The following MPRIP variants were observed in gnomAD, a reference collection of about 807,000 sequenced individuals.
MPRIP encodes myosin phosphatase Rho interacting protein.
A neutral mutation model predicts 234.9 loss-of-function variants in MPRIP; 59 were observed. That is an observed-to-expected ratio of 0.25 (90% confidence interval 0.20 to 0.31). MPRIP has a LOEUF of 0.31. Among genes scored for constraint, MPRIP ranks in the 10% least tolerant of loss-of-function variants. The pLI is 1.00. For synonymous variants in MPRIP, 1,144 were observed against 1,263.9 expected, an observed-to-expected ratio of 0.91 and a Z score of 2.01; for missense variants, 2,436 against 3,071.0, an observed-to-expected ratio of 0.79 and a Z score of 4.89.
intron 5 of MPRIP, among the ~76,000 whole-genome samples, chr17:17,132,517 G>A (rs2090617450): frequency 6.6e-6 from 1 of 152,214 alleles, no homozygotes. Flanking sequence ...AGCAGGGTGG[G>A]GATGGGGGTC....
At chr17:17,182,297 C>T (rs1276617003) in intron 23 of MPRIP, 1 of 152,216 alleles carries the variant, frequency 6.6e-6, no homozygotes, top group African/African-American at 2.4e-5. Flanking sequence ...TCTGTCCTGC[C>T]TCGCTCGAAA....
rs769846464 is a variant in MPRIP at position 17,166,563 on chromosome 17, C to G, written c.4972C>G (p.Leu1658Val). ...CGGGCAGCAAAGCATCCCACAGGGC[C>G]TGGCCCCCATCCTGGCCAATGCCAC... ...GDGQQSIPQG[L>V]APILANATWV... is the part of the protein sequence containing the mutation. The change falls in exon 16 of 24, where the codon CTG (leucine) becomes GTG (valine). Residue 1658 changes from leucine to valine, a missense_variant. Physicochemically the swap from Leu to Val is conservative, Grantham distance 32 (BLOSUM62 1). This residue lies in a region of MPRIP where 1,998 missense variants were observed against 2,520.3 expected (regional missense o/e 0.79). Transcript: ENST00000651222. This position sits in a 1 kb window ranked among gnomAD's most constrained non-coding sequence, Gnocchi z 4.4. 3.8e-6 allele frequency: 5 copies of G among 1,304,244 alleles called. 1 individual carries two copies. The South Asian group carries it at 6.2e-5, about 16-fold the overall frequency. The allele number at this position is 1,304,244 out of a possible 1,614,324, so 80.8% of individuals were successfully genotyped here.
At chr17:17,130,400 C>T (rs1004205078) in intron 4 of MPRIP, among the ~76,000 whole-genome samples, 1 of 151,810 alleles carries the variant, frequency 6.6e-6, no homozygotes, top group African/African-American at 2.4e-5. Flanking sequence ...TCCCTCCTCC[C>T]CATGCTCTTC....
At chr17:17,100,066 A>T (rs1567714231) in intron 3 of MPRIP, among the ~76,000 whole-genome samples, 2 of 152,080 alleles carry the variant, frequency 1.3e-5, no homozygotes, top group African/African-American at 4.8e-5. Context: ...CACCTTTTGG[A>T]GGTCCTTTGG....
chr17:17,073,204 C>T lies in MPRIP; in HGVS notation c.124-2506C>T, dbSNP rs182939333. Among the ~76,000 whole-genome samples, 37 of 152,190 alleles carry T rather than the reference C, an allele frequency of 2.4e-4. No individual in the cohort carries two copies. In the East Asian group the frequency reaches 7.0e-3, roughly 29 times the overall value. On this transcript the variant is annotated intron_variant, in intron 1 of 23. Transcript: ENST00000651222. ...CTGCATCCCAGCCTGCTCCTCCACCCAGAGGCCCTACATCTCGCTCTCTGC... is the reference window on the plus strand; with the variant it reads ...CTGCATCCCAGCCTGCTCCTCCACCTAGAGGCCCTACATCTCGCTCTCTGC...
At position 17,171,593 on chromosome 17, in the gene MPRIP, A is replaced by C. The variant is rs115215760; in HGVS notation, c.6325-125A>C. On this transcript the variant is annotated intron_variant, in intron 16 of 23. Coordinates refer to ENST00000651222, the MANE Select transcript of MPRIP (RefSeq NM_001364716.4). ...TGTTCAGGGCGCCCATGGTGGAGCA[A>C]GCTCAGTGAATGCCCAGTCACAGCT... The C allele has an allele frequency of 7.3e-3, 9,135 of 1,258,766 alleles. 238 individuals carry two copies. Among genetic ancestry groups the C allele is most frequent in the African/African-American group, 0.072 (4,763 of 66,520 alleles). 78.0% of individuals were successfully genotyped at this position (1,258,766 alleles called of 1,614,324 possible).
rs117624253 is a variant in MPRIP, at chr17:17,044,014, T to G, written c.123+1043T>G. Among the ~76,000 whole-genome samples, 208 of 152,318 alleles carry G rather than the reference T, an allele frequency of 1.4e-3. 3 individuals carry two copies. In the East Asian group the frequency reaches 0.038, roughly 28 times the overall value. On this transcript the variant is annotated intron_variant, in intron 1 of 23. Coordinates refer to ENST00000651222, the MANE Select transcript of MPRIP (RefSeq NM_001364716.4). ...AAAACGAGTGAACGGGCCTGGTTGT[T>G]TTTAATGCCACTTCAGTGCACCCAG... is the stretch of plus-strand genomic sequence containing the variant.
At chr17:17,147,239 T>C (rs2045487920) in intron 10 of MPRIP, 80 bp from the exon 11 acceptor site, 1 of 1,396,360 alleles carries the variant, frequency 7.2e-7, no homozygotes, top group Non-Finnish European at 1.0e-6. Context: ...CCACAGGCTC[T>C]GGCTGCGCAC....
At position 17,158,756 on chromosome 17, in the gene MPRIP, C is replaced by T. The variant is rs781391294; in HGVS notation, c.2154C>T (p.Asp718=). ...GCCGCAAGCGCTTCGGGATGCTCGA[C>T]GCCACAGACGGGCCAGGCACTGAGG... is the stretch of plus-strand genomic sequence containing the variant. ...EERRKRFGML[D]ATDGPGTEDA... Residue 718 remains aspartate, a synonymous_variant, in exon 14 of 24, where the codon GAC becomes GAT. Transcript: ENST00000651222. The T allele has an allele frequency of 1.9e-5, 30 of 1,611,430 alleles. No homozygotes were observed. The highest frequency in any genetic ancestry group is 8.3e-5 in the Admixed American group (5 of 60,010).
chr17:17,166,249 A>G lies in MPRIP; in HGVS notation c.4658A>G (p.Gln1553Arg). ...GKPASLQQCS[Q>R]SELTEQEQVR... ...CCTGCCTCCCTGCAGCAGTGCTCCC[A>G]GTCTGAGTTGACAGAGCAGGAGCAG... Residue 1553 changes from glutamine (Q) to arginine (R), a missense_variant, in exon 16 of 24, where the codon CAG becomes CGG. Around this residue, in one of 4 missense-constraint regions of MPRIP, gnomAD observed 1,998 missense variants for 2,520.3 expected, o/e 0.79. Coordinates refer to ENST00000651222, the MANE Select transcript of MPRIP (RefSeq NM_001364716.4). The surrounding 1 kb of genome is among the most constrained non-coding windows in gnomAD (Gnocchi z 4.4). 9 of 1,304,164 alleles carry G rather than the reference A, an allele frequency of 6.9e-6. No homozygotes were observed. The highest frequency in any genetic ancestry group is 9.1e-6 in the Non-Finnish European group (9 of 988,918). The allele number at this position is 1,304,164 out of a possible 1,614,324, so 80.8% of individuals were successfully genotyped here. A position where few individuals can be genotyped will look rare whatever the true frequency, so the allele number is the denominator to read the frequency against.
intron 15 of MPRIP, among the ~76,000 whole-genome samples, chr17:17,162,449 C>T (rs941426638): frequency 6.6e-6 from 1 of 152,256 alleles, no homozygotes; most frequent in African/African-American, 2.4e-5. Flanking sequence ...AGACTCTCTG[C>T]TGTTTCTTCT....
At chr17:17,094,541 C>G (rs936459809) in intron 3 of MPRIP, among the ~76,000 whole-genome samples, 2 of 150,912 alleles carry the variant, frequency 1.3e-5, no homozygotes, top group Non-Finnish European at 2.9e-5. Context: ...TTCTGACCTT[C>G]TAGTCCAGAG....
intron 3 of MPRIP, among the ~76,000 whole-genome samples, chr17:17,099,843 A>G (rs1049460771): frequency 6.6e-6 from 1 of 152,260 alleles, no homozygotes; most frequent in African/African-American, 2.4e-5. Context: ...CTGCTGTCCC[A>G]AGTGTTTTTC....
chr17:17,128,207 G>A (rs1032945813), intron 4 of MPRIP, among the ~76,000 whole-genome samples: 6 of 152,086 alleles, frequency 3.9e-5, no homozygotes, highest in African/African-American at 1.4e-4. Flanking sequence ...CTCTGCCCAG[G>A]TGGCTTCCCT....
chr17:17,180,400 G>T (rs563274441), intron 23 of MPRIP, among the ~76,000 whole-genome samples: 2 of 152,372 alleles, frequency 1.3e-5, no homozygotes, highest in East Asian at 3.9e-4. Context: ...AGCTGTGCCT[G>T]TGTTGTTCCT....
intron 3 of MPRIP, among the ~76,000 whole-genome samples, chr17:17,104,677 G>A (rs2090029403): frequency 6.6e-6 from 1 of 152,152 alleles, no homozygotes; most frequent in Admixed American, 6.5e-5. Flanking sequence ...CGCTGCGTCT[G>A]CTCCTTGCCT....
At chr17:17,076,871 T>C (rs1476824171) in intron 2 of MPRIP, among the ~76,000 whole-genome samples, 1 of 151,846 alleles carries the variant, frequency 6.6e-6, no homozygotes, top group Non-Finnish European at 1.5e-5. Flanking sequence ...CAGAGAGATG[T>C]GCTTTTATAG....
intron 18 of MPRIP, 77 bp from the exon 19 acceptor site, chr17:17,173,839 G>T: frequency 6.5e-7 from 1 of 1,543,884 alleles, no homozygotes; most frequent in South Asian, 1.1e-5. Context: ...GCTGTGTCTG[G>T]TGTCAAGGAG....
intron 4 of MPRIP, among the ~76,000 whole-genome samples, chr17:17,127,607 C>T (rs956499974): frequency 6.6e-6 from 1 of 152,252 alleles, no homozygotes; most frequent in African/African-American, 2.4e-5. Context: ...GCTCATTGGG[C>T]CTGACAGGAG....
Sources: gnomAD v4.1 joint callset for allele counts (sites outside exome capture counted in the v4.1 genomes callset) on GRCh38, gnomAD v4.1.1 for gene constraint, gnomAD v4.1.1 regional missense constraint, Gnocchi (gnomAD v3.1) non-coding constraint, MANE v1.5 for transcripts, NCBI Gene and HGNC (gene_info 2026-07-23, HGNC 2026-07-21) for gene names.